The following MAP4 variants were observed in gnomAD, a reference collection of about 807,000 sequenced individuals.
The protein encoded by MAP4 is microtubule associated protein 4, also known as microtubule-associated protein 4.
In MAP4, 76 loss-of-function variants were observed where a neutral mutation model predicts 170.2. That is an observed-to-expected ratio of 0.45 (90% CI 0.37 to 0.54). The LOEUF (loss-of-function observed/expected upper bound fraction) is 0.54, where lower values mean the gene tolerates loss of function less well. Among genes scored for constraint, MAP4 ranks in the 20% least tolerant of loss-of-function variants. The probability of loss-of-function intolerance (pLI) is 0.00; values close to 1 mark genes in which losing one functional copy is unlikely to be tolerated. For missense variants in MAP4, 2,506 were observed against 2,748.0 expected (o/e 0.91, Z 1.97); for synonymous variants, 909 against 994.5 (o/e 0.91, Z 1.62).
At chr3:47,987,319 C>A in intron 2 of MAP4, 1 of 1,218,730 alleles carries the variant, frequency 8.2e-7, no homozygotes, top group Admixed American at 2.4e-5. Flanking sequence ...TAACAAATAG[C>A]TTAATTATGA....
chr3:47,913,380 T>C (rs1375182103), intron 8 of MAP4, among the ~76,000 whole-genome samples: 1 of 152,236 alleles, frequency 6.6e-6, no homozygotes, highest in Non-Finnish European at 1.5e-5. Flanking sequence ...AGCCTTTGTT[T>C]AATATCTCAG....
intron 17 of MAP4, among the ~76,000 whole-genome samples, chr3:47,862,900 C>T (rs2070251412): frequency 6.6e-6 from 1 of 151,678 alleles, no homozygotes; most frequent in African/African-American, 2.4e-5. Flanking sequence ...GTAAAAGGTA[C>T]ATCAGGTTCA....
intron 3 of MAP4, among the ~76,000 whole-genome samples, chr3:47,951,756 T>C (rs1559574343): frequency 6.6e-6 from 1 of 152,178 alleles, no homozygotes; most frequent in Non-Finnish European, 1.5e-5. Flanking sequence ...GATTGCAGCC[T>C]CTGCCCGGCA....
intron 17 of MAP4, among the ~76,000 whole-genome samples, chr3:47,866,375 C>CA (rs560098321): frequency 1.1e-3 from 157 of 147,658 alleles, no homozygotes; most frequent in African/African-American, 3.7e-3. Flanking sequence ...AACAAACAAA[C>CA]AAAAAAACAG....
intron 1 of MAP4, among the ~76,000 whole-genome samples, chr3:48,047,131 T>A (rs555578403): frequency 4.7e-4 from 71 of 151,538 alleles, no homozygotes; most frequent in Middle Eastern, 6.8e-3. Flanking sequence ...AATAAATAAA[T>A]AAAAATGTTA....
intron 1 of MAP4, among the ~76,000 whole-genome samples, chr3:48,062,494 T>TCAAAA (rs1349336366): frequency 1.2e-5 from 1 of 81,548 alleles, no homozygotes. Flanking sequence ...GAATGATCAA[T>TCAAAA]AAAAAAAAAA....
chr3:48,014,485 C>T (rs1192542561), intron 1 of MAP4, among the ~76,000 whole-genome samples: 1 of 152,120 alleles, frequency 6.6e-6, no homozygotes, highest in African/African-American at 2.4e-5. Context: ...TGGCAAAACC[C>T]CATCTCTACA....
intron 1 of MAP4, among the ~76,000 whole-genome samples, chr3:48,076,932 T>C (rs1459898395): frequency 2.7e-5 from 4 of 148,946 alleles, no homozygotes; most frequent in Non-Finnish European, 4.5e-5. Context: ...AGAGGATTGC[T>C]TCAGCCCAGG....
chr3:47,948,318 C>T (rs952902022), intron 3 of MAP4, among the ~76,000 whole-genome samples: 2 of 150,378 alleles, frequency 1.3e-5, no homozygotes, highest in Non-Finnish European at 3.0e-5. Flanking sequence ...ACTGCAGTCT[C>T]AACCTCCTGG....
chr3:47,872,259 C>T (rs1032873404), intron 12 of MAP4, among the ~76,000 whole-genome samples, 159 bp from the exon 13 acceptor site: 1 of 152,248 alleles, frequency 6.6e-6, no homozygotes, highest in Non-Finnish European at 1.5e-5. Context: ...TCTCGGCTCA[C>T]TGCAGCCTCC....
rs1243341691 is a variant in MAP4 at position 47,851,886 on chromosome 3, CT to C, written c.*1047del. 1 of 152,254 alleles carries C rather than the reference CT, an allele frequency of 6.6e-6. No homozygotes were observed. Among genetic ancestry groups the C allele is most frequent in the Non-Finnish European group, 1.5e-5 (1 of 68,066 alleles). 9.4% of individuals were successfully genotyped at this position (152,254 alleles called of 1,614,324 possible). ...CCTGAAGGAATTCCATCTCCTGGCC[CT>C]TTCTTGTTCTCCAGCCCTGGCTTTT... On this transcript the variant is annotated 3_prime_UTR_variant, in exon 21 of 21. Transcript: ENST00000683076.
At chr3:48,086,460 G>A (rs912654334) in intron 1 of MAP4, among the ~76,000 whole-genome samples, 6 of 152,088 alleles carry the variant, frequency 3.9e-5, no homozygotes, top group African/African-American at 1.4e-4. Context: ...CCAACGTGGC[G>A]AAACCCCGTC....
chr3:47,869,254 G>C lies in MAP4; in HGVS notation c.6368C>G (p.Ala2123Gly). 6.2e-7 allele frequency: 1 copy of C among 1,614,174 alleles called. No individual in the cohort carries two copies. The highest frequency in any genetic ancestry group is 1.1e-5 in the South Asian group (1 of 91,088). ...KPESNAVTKT[A>G]GPIASAQKQP... ...TTTCTGTGCACTTGCAATTGGGCCG[G>C]CTGTTTTAGTGACTGCATTAGATTC... Residue 2123 changes from alanine (A) to glycine (G), a missense_variant, in exon 16 of 21, where the codon GCC becomes GGC. Ala to Gly is a moderately conservative substitution (Grantham distance 60, BLOSUM62 0). Transcript: ENST00000683076.
At chr3:47,867,147 G>C (rs1164282535) in intron 17 of MAP4, 99 bp downstream of exon 17, 2 of 811,010 alleles carry the variant, frequency 2.5e-6, no homozygotes, top group African/African-American at 1.7e-5. Flanking sequence ...TACAGCTCAG[G>C]TCACTGGGAT....
intron 13 of MAP4, 34 bp downstream of exon 13, chr3:47,871,883 C>T (rs1024684330): frequency 6.3e-7 from 1 of 1,580,742 alleles, no homozygotes; most frequent in South Asian, 1.1e-5. Context: ...TTTTCCCCTC[C>T]CTAGTTCCCA....
chr3:47,974,150 GCA>G (rs1319079258), intron 3 of MAP4: 1 of 982,634 alleles, frequency 1.0e-6, no homozygotes, highest in Admixed American at 6.2e-5. Flanking sequence ...ATCTGGCCAG[GCA>G]CAGTGTCTCA....
intron 16 of MAP4, among the ~76,000 whole-genome samples, chr3:47,868,005 T>C (rs2083557243): frequency 6.6e-6 from 1 of 152,198 alleles, no homozygotes; most frequent in South Asian, 2.1e-4. Flanking sequence ...GGCATAGTAT[T>C]TTTGACTCAA....
intron 3 of MAP4, among the ~76,000 whole-genome samples, chr3:47,935,645 T>C (rs1171933992): frequency 1.3e-5 from 2 of 151,908 alleles, no homozygotes; most frequent in Non-Finnish European, 2.9e-5. Context: ...CATAATAATA[T>C]ACCTGAGCTG....
At chr3:48,052,156 GGAGTTGT>G in intron 1 of MAP4, among the ~76,000 whole-genome samples, 1 of 152,296 alleles carries the variant, frequency 6.6e-6, no homozygotes, top group South Asian at 2.1e-4. Context: ...TAAAAATCTA[GGAGTTGT>G]GAGTGCAGGG....
Sources: allele counts gnomAD v4.1 joint callset (sites outside exome capture counted in the v4.1 genomes callset), GRCh38; gene constraint gnomAD v4.1.1; transcripts MANE v1.5; gene names NCBI Gene and HGNC (gene_info 2026-07-23, HGNC 2026-07-21).